Variants in PCBP3 observed in about 807,000 individuals in gnomAD.
The protein encoded by PCBP3 is poly(rC) binding protein 3, also known as poly(rC)-binding protein 3.
PCBP3 carries 25 observed loss-of-function variants against 52.7 expected under a neutral mutation model. The ratio of observed to expected loss-of-function variants is 0.47; its 90% confidence interval spans 0.35 to 0.66. The LOEUF is 0.66. PCBP3 is among the 30% of genes least tolerant of loss of function. The pLI, the probability that PCBP3 is intolerant of heterozygous loss-of-function variation, is 0.01. For missense variants in PCBP3, 391 were observed against 490.3 expected (o/e 0.80, Z 1.91); for synonymous variants, 162 against 183.0 (o/e 0.89, Z 0.93).
intron 2 of PCBP3, among the ~76,000 whole-genome samples, chr21:45,700,528 C>G (rs943848252): frequency 2.6e-5 from 4 of 151,964 alleles, no homozygotes; most frequent in African/African-American, 9.7e-5. Context: ...GGCCTGTGTC[C>G]CACACCCTCC....
chr21:45,923,741 G>A (rs1481781275), intron 13 of PCBP3, among the ~76,000 whole-genome samples: 4 of 152,202 alleles, frequency 2.6e-5, no homozygotes, highest in African/African-American at 4.8e-5. Flanking sequence ...TTCCCAAACA[G>A]GATAAACAAA....
Position 45,917,653 on chromosome 21 carries a change from C to G in PCBP3, c.717+24C>G. On this transcript the variant is annotated intron_variant, in intron 13 of 17. Coordinates refer to ENST00000681687, the MANE Select transcript of PCBP3 (RefSeq NM_001384156.1). This position sits in a 1 kb window ranked among gnomAD's most constrained non-coding sequence, Gnocchi z 5.3. The stretch of plus-strand genomic sequence containing the variant: ...ATGTGAGTCTTCACTTTGTCTTCCT[C>G]TCACCTTTCTCTTCTCATGGTTGTT... 6.3e-7 allele frequency: 1 copy of G among 1,587,500 alleles called. No individual in the cohort carries two copies. Among genetic ancestry groups the G allele is most frequent in the Non-Finnish European group, 8.7e-7 (1 of 1,155,814 alleles).
chr21:45,799,989 C>G (rs1318039133), intron 4 of PCBP3, among the ~76,000 whole-genome samples: 1 of 152,162 alleles, frequency 6.6e-6, no homozygotes, highest in Non-Finnish European at 1.5e-5. Flanking sequence ...GCTTGGACAG[C>G]TGTCGGGGAG....
intron 4 of PCBP3, among the ~76,000 whole-genome samples, chr21:45,811,468 C>T (rs895170216): frequency 6.6e-6 from 1 of 152,262 alleles, no homozygotes; most frequent in Non-Finnish European, 1.5e-5. Flanking sequence ...TAGAGTGGCC[C>T]CACCTGGATA....
intron 4 of PCBP3, among the ~76,000 whole-genome samples, chr21:45,757,909 CAG>C (rs1405616085): frequency 6.8e-6 from 1 of 147,178 alleles, no homozygotes; most frequent in Non-Finnish European, 1.5e-5. Flanking sequence ...TTTTTTGAGA[CAG>C]AGTCTCACTC....
At chr21:45,766,445 T>C (rs1430959222) in intron 4 of PCBP3, among the ~76,000 whole-genome samples, 1 of 152,208 alleles carries the variant, frequency 6.6e-6, no homozygotes, top group East Asian at 1.9e-4. Context: ...TCTCTCTCTC[T>C]GCACCCATGT....
intron 13 of PCBP3, among the ~76,000 whole-genome samples, chr21:45,921,853 C>T (rs1439448814): frequency 2.0e-5 from 3 of 152,032 alleles, no homozygotes; most frequent in Non-Finnish European, 4.4e-5. Context: ...GATCTGCCTT[C>T]GCCTGCTTTT....
intron 5 of PCBP3, among the ~76,000 whole-genome samples, chr21:45,863,277 C>CG (rs1569355442): frequency 6.6e-6 from 1 of 152,230 alleles, no homozygotes; most frequent in African/African-American, 2.4e-5. Context: ...CCCCGCTGTC[C>CG]GGGTAGGGAC....
At chr21:45,898,220 T>C (rs2095880348) in intron 6 of PCBP3, among the ~76,000 whole-genome samples, 1 of 152,286 alleles carries the variant, frequency 6.6e-6, no homozygotes, top group South Asian at 2.1e-4. Context: ...AGCTGCACTC[T>C]GTGGGGGAGG....
At chr21:45,909,240 A>G (rs1783189133) in intron 9 of PCBP3, 115 bp from the exon 10 acceptor site, 2 of 1,146,796 alleles carry the variant, frequency 1.7e-6, no homozygotes, top group Non-Finnish European at 2.5e-6. Flanking sequence ...TCGGCTGTGC[A>G]TGACAGGGGC....
intron 3 of PCBP3, among the ~76,000 whole-genome samples, chr21:45,742,055 G>A (rs2086489841): frequency 6.6e-6 from 1 of 152,164 alleles, no homozygotes; most frequent in Admixed American, 6.5e-5. Context: ...AAGGTTGCAT[G>A]GTTTCCCATG....
chr21:45,644,019 G>A (rs1039471247), intron 1 of PCBP3, among the ~76,000 whole-genome samples, 151 bp downstream of exon 1: 12 of 149,344 alleles, frequency 8.0e-5, no homozygotes, highest in African/African-American at 2.4e-4. Context: ...GCTGGGTCGC[G>A]CCGTCCCCGA....
chr21:45,901,742 G>GAGAGAGAGAGATGAGAGAGAGAGAGAC (rs2096061507), intron 9 of PCBP3, among the ~76,000 whole-genome samples: 1 of 146,924 alleles, frequency 6.8e-6, no homozygotes, highest in African/African-American at 2.6e-5. Context: ...GAGAGAGACA[G>GAGAGAGAGAGATGAGAGAGAGAGAGAC]AAAGAGAGAG....
intron 4 of PCBP3, among the ~76,000 whole-genome samples, chr21:45,787,479 C>T (rs574868086): frequency 6.6e-6 from 1 of 152,120 alleles, no homozygotes; most frequent in African/African-American, 2.4e-5. Context: ...AACTCCAGAC[C>T]AGCCGTAGCT....
chr21:45,938,476 C>T (rs562563732), intron 16 of PCBP3, among the ~76,000 whole-genome samples: 48 of 152,362 alleles, frequency 3.2e-4, no homozygotes, highest in Non-Finnish European at 5.6e-4. Flanking sequence ...CTTCAGATCT[C>T]TCTGCCACCA....
intron 15 of PCBP3, among the ~76,000 whole-genome samples, chr21:45,931,124 T>C (rs1603544754): frequency 2.0e-5 from 3 of 152,364 alleles, no homozygotes; most frequent in African/African-American, 4.8e-5. Context: ...AAATGGGTTT[T>C]GTAGGACTAC....
chr21:45,667,548 T>C (rs2080888071), intron 1 of PCBP3, among the ~76,000 whole-genome samples: 1 of 152,232 alleles, frequency 6.6e-6, no homozygotes, highest in Non-Finnish European at 1.5e-5. Context: ...TGTTTCTTTA[T>C]TGATATCTGC....
At chr21:45,711,942 CT>C (rs1388590745) in intron 2 of PCBP3, among the ~76,000 whole-genome samples, 2 of 152,168 alleles carry the variant, frequency 1.3e-5, no homozygotes, top group African/African-American at 2.4e-5. Flanking sequence ...ATCTCTGCCC[CT>C]GAATCCCTGA....
intron 2 of PCBP3, among the ~76,000 whole-genome samples, chr21:45,700,642 G>A (rs557058010): frequency 4.1e-4 from 63 of 152,170 alleles, no homozygotes; most frequent in African/African-American, 1.4e-3. Context: ...TAGGTATCCC[G>A]TGCATGTGAG....
Sources: gnomAD v4.1 joint callset for allele counts (sites outside exome capture counted in the v4.1 genomes callset) on GRCh38, gnomAD v4.1.1 for gene constraint, Gnocchi (gnomAD v3.1) non-coding constraint, MANE v1.5 for transcripts, NCBI Gene and HGNC (gene_info 2026-07-23, HGNC 2026-07-21) for gene names.